CYTH3: variants seen among roughly 807,000 people sequenced by gnomAD.
The protein encoded by CYTH3 is cytohesin 3, also known as cytohesin-3.
In CYTH3, 23 loss-of-function variants were observed where a neutral mutation model predicts 55.1. That is an observed-to-expected ratio of 0.42 (90% CI 0.30 to 0.59). The LOEUF is 0.59. Among genes scored for constraint, CYTH3 ranks in the 20% least tolerant of loss-of-function variants. CYTH3 has a pLI of 0.20. For synonymous variants in CYTH3, 249 were observed against 194.9 expected, an observed-to-expected ratio of 1.28 and a Z score of -2.31; for missense variants, 413 against 524.8, an observed-to-expected ratio of 0.79 and a Z score of 2.08.
At chr7:6,237,387 A>G (rs1214717490) in intron 1 of CYTH3, among the ~76,000 whole-genome samples, 1 of 152,062 alleles carries the variant, frequency 6.6e-6, no homozygotes, top group African/African-American at 2.4e-5. Context: ...GGAAGCACCC[A>G]CCTTTTCCCA....
chr7:6,224,850 C>T (rs1437492503), intron 1 of CYTH3, among the ~76,000 whole-genome samples: 2 of 152,202 alleles, frequency 1.3e-5, no homozygotes, highest in African/African-American at 4.8e-5. Context: ...GTAGTATTTC[C>T]TGACACTGGG....
intron 1 of CYTH3, among the ~76,000 whole-genome samples, chr7:6,242,785 T>C (rs1325397134): frequency 1.3e-5 from 2 of 152,128 alleles, no homozygotes; most frequent in East Asian, 3.9e-4. Flanking sequence ...TTCCCTGTCA[T>C]ACTACATTCA....
At chr7:6,213,069 A>T (rs1331916980) in intron 1 of CYTH3, among the ~76,000 whole-genome samples, 3 of 152,200 alleles carry the variant, frequency 2.0e-5, no homozygotes, top group Non-Finnish European at 2.9e-5. Context: ...TGTTTAGTTT[A>T]TGTCTCCTCC....
intron 1 of CYTH3, among the ~76,000 whole-genome samples, chr7:6,227,665 G>T (rs1286865407): frequency 6.6e-6 from 1 of 152,184 alleles, no homozygotes; most frequent in Admixed American, 6.5e-5. Context: ...GCCCAAGTAA[G>T]CAAACCAAAG....
At chr7:6,207,636 G>A (rs898288622) in intron 1 of CYTH3, among the ~76,000 whole-genome samples, 1 of 147,040 alleles carries the variant, frequency 6.8e-6, no homozygotes, top group Admixed American at 6.8e-5. Flanking sequence ...GTGACAGAGC[G>A]AGACTCCATC....
chr7:6,200,683 G>T lies in CYTH3; in HGVS notation c.35-10152C>A, dbSNP rs531873613. On this transcript the variant is annotated intron_variant, in intron 1 of 12. Transcript: ENST00000350796. ...CTAGTCCCAGTTAATCCACTACATG[G>T]AAACTCTACATGGAGCCGTGGTTTA... Among the ~76,000 whole-genome samples the T allele has an allele frequency of 6.6e-5, 10 of 152,294 alleles. 1 individual carries two copies. In the South Asian group the frequency reaches 1.2e-3, roughly 19 times the overall value.
chr7:6,175,214 A>G (rs1367733460), intron 5 of CYTH3, among the ~76,000 whole-genome samples: 1 of 152,092 alleles, frequency 6.6e-6, no homozygotes, highest in Non-Finnish European at 1.5e-5. Flanking sequence ...CCTTTTTTTC[A>G]GGCTAGTCAA....
At chr7:6,166,119 AG>A (rs1782997426) in intron 9 of CYTH3, among the ~76,000 whole-genome samples, 1 of 152,202 alleles carries the variant, frequency 6.6e-6, no homozygotes. Flanking sequence ...TGATGAAGTC[AG>A]GACTGCGCGC....
intron 1 of CYTH3, among the ~76,000 whole-genome samples, chr7:6,259,762 TATATATATATTATATATATATAATATA>T (rs1780248168): frequency 3.9e-5 from 1 of 25,616 alleles, no homozygotes; most frequent in South Asian, 1.2e-3. Context: ...ATATATTATA[TATATATATATTATATATATATAATATA>T]TATATATATA....
intron 1 of CYTH3, among the ~76,000 whole-genome samples, chr7:6,254,310 T>C (rs953362657): frequency 1.2e-4 from 18 of 152,142 alleles, no homozygotes; most frequent in Non-Finnish European, 2.5e-4. Flanking sequence ...TGGTAACAAC[T>C]GGGGAAAGCA....
intron 1 of CYTH3, among the ~76,000 whole-genome samples, chr7:6,252,473 A>C (rs1779996984): frequency 6.6e-6 from 1 of 152,240 alleles, no homozygotes; most frequent in Non-Finnish European, 1.5e-5. Flanking sequence ...AATTTAAATC[A>C]GTCATCTGAA....
intron 1 of CYTH3, among the ~76,000 whole-genome samples, chr7:6,239,803 A>G (rs1332202764): frequency 6.6e-6 from 1 of 152,270 alleles, no homozygotes; most frequent in Non-Finnish European, 1.5e-5. Context: ...TAAATTTAAT[A>G]ATAAATGCAT....
intron 1 of CYTH3, among the ~76,000 whole-genome samples, chr7:6,218,489 C>T (rs1784473169): frequency 6.6e-6 from 1 of 152,160 alleles, no homozygotes; most frequent in Non-Finnish European, 1.5e-5. Flanking sequence ...ACTTCTAGAA[C>T]AGTACAAGAA....
rs1257502450 is a variant in CYTH3 at position 6,242,377 on chromosome 7, T to C, written c.34+30097A>G. Among the ~76,000 whole-genome samples, 17 of 60,054 alleles carry C rather than the reference T, an allele frequency of 2.8e-4. No individual in the cohort carries two copies. The African/African-American group carries it at 6.0e-3, about 21-fold the overall frequency. The allele number at this position is 60,054 out of a possible 152,430, so 39.4% of individuals were successfully genotyped here. A position where few individuals can be genotyped will look rare whatever the true frequency, so the allele number is the denominator to read the frequency against. On this transcript the variant is annotated intron_variant, in intron 1 of 12. Transcript: ENST00000350796. ...AGACATGAGCCACCGCGCCTGGCATTTTTTTTTTTTTTTTTTTAAGACGGA... is the reference window on the plus strand; with the variant it reads ...AGACATGAGCCACCGCGCCTGGCATCTTTTTTTTTTTTTTTTTAAGACGGA...
chr7:6,179,029 T>C (rs1583748086), intron 4 of CYTH3, among the ~76,000 whole-genome samples: 2 of 152,372 alleles, frequency 1.3e-5, no homozygotes, highest in African/African-American at 2.4e-5. Flanking sequence ...AGACTCTCAG[T>C]ACCCAAGACC....
chr7:6,175,574 G>C (rs1385197761), intron 5 of CYTH3, among the ~76,000 whole-genome samples: 1 of 120,462 alleles, frequency 8.3e-6, no homozygotes, highest in African/African-American at 3.4e-5. Context: ...TTTTGAGAGA[G>C]TCTCACTCTG....
rs754213739 is a variant in CYTH3 at position 6,171,163 on chromosome 7, G to A, written c.562+39C>T. The A allele has an allele frequency of 1.2e-6, 2 of 1,606,832 alleles. No homozygotes were observed. The highest frequency in any genetic ancestry group is 1.1e-5 in the South Asian group (1 of 90,970). Reference sequence around the variant, plus strand: ...GCCGCCCCCTCCAGAGCTGGAGGCTGTGCCTGGCAAGGGGCCAGGCTGTGG... The same window carrying A: ...GCCGCCCCCTCCAGAGCTGGAGGCTATGCCTGGCAAGGGGCCAGGCTGTGG... On this transcript the variant is annotated intron_variant, in intron 7 of 12. Transcript: ENST00000350796. This position sits in a 1 kb window ranked among gnomAD's most constrained non-coding sequence, Gnocchi z 6.7.
At chr7:6,259,978 G>A (rs981367106) in intron 1 of CYTH3, among the ~76,000 whole-genome samples, 1 of 147,460 alleles carries the variant, frequency 6.8e-6, no homozygotes, top group Non-Finnish European at 1.5e-5. Context: ...TTGCAGGCAT[G>A]CACCACCACA....
intron 1 of CYTH3, among the ~76,000 whole-genome samples, chr7:6,249,491 T>C (rs1043387575): frequency 6.6e-6 from 1 of 152,198 alleles, no homozygotes; most frequent in Non-Finnish European, 1.5e-5. Flanking sequence ...GGCCTTTGAA[T>C]TCTCCTTATT....
Sources: allele counts gnomAD v4.1 joint callset (sites outside exome capture counted in the v4.1 genomes callset), GRCh38; gene constraint gnomAD v4.1.1; non-coding constraint Gnocchi (gnomAD v3.1); transcripts MANE v1.5; gene names NCBI Gene and HGNC (gene_info 2026-07-23, HGNC 2026-07-21).